INPP5F: variants seen among roughly 807,000 people sequenced by gnomAD.
INPP5F encodes phosphatidylinositide 4-phosphatase SAC2.
A neutral mutation model predicts 137.2 loss-of-function variants in INPP5F; 97 were observed. The ratio of observed to expected loss-of-function variants is 0.71; its 90% CI spans 0.60 to 0.84. INPP5F has a LOEUF of 0.84. Among genes scored for constraint, INPP5F ranks in the 40% least tolerant of loss-of-function variants. The pLI is 0.00. For missense variants in INPP5F, 1,271 were observed against 1,371.9 expected (o/e 0.93, Z 1.16); for synonymous variants, 504 against 476.9 (o/e 1.06, Z -0.74).
At chr10:119,740,065 T>A (rs187829997) in intron 1 of INPP5F, among the ~76,000 whole-genome samples, 439 of 152,346 alleles carry the variant, frequency 2.9e-3, no homozygotes, top group Non-Finnish European at 5.1e-3. Context: ...ATTGGATAAC[T>A]GAAATTTTGT....
chr10:119,737,407 G>A (rs913136455), intron 1 of INPP5F, among the ~76,000 whole-genome samples: 3 of 152,154 alleles, frequency 2.0e-5, no homozygotes, highest in African/African-American at 7.2e-5. Flanking sequence ...TCTCAAGCTG[G>A]CTGTACAGTA....
intron 1 of INPP5F, among the ~76,000 whole-genome samples, chr10:119,749,173 G>A (rs1370469989): frequency 6.6e-6 from 1 of 152,242 alleles, no homozygotes; most frequent in African/African-American, 2.4e-5. Context: ...TTCCGAGCCT[G>A]TGGGGAAAGA....
chr10:119,744,083 T>A (rs1392355238), intron 1 of INPP5F, among the ~76,000 whole-genome samples: 2 of 152,226 alleles, frequency 1.3e-5, no homozygotes, highest in Non-Finnish European at 2.9e-5. Context: ...TCATTAAATA[T>A]TTCTCCATAC....
At chr10:119,769,184 T>A (rs765795007) in intron 2 of INPP5F, among the ~76,000 whole-genome samples, 2 of 152,318 alleles carry the variant, frequency 1.3e-5, no homozygotes, top group East Asian at 3.9e-4. Flanking sequence ...GGATTAAATG[T>A]ATATCTTTTC....
chr10:119,756,194 C>G (rs764852845), intron 2 of INPP5F, among the ~76,000 whole-genome samples: 3 of 151,792 alleles, frequency 2.0e-5, no homozygotes, highest in Admixed American at 6.6e-5. Context: ...TCAATATATG[C>G]TGATTACTAT....
intron 18 of INPP5F, 82 bp downstream of exon 18, chr10:119,823,281 A>G: frequency 1.5e-6 from 2 of 1,348,662 alleles, no homozygotes; most frequent in African/African-American, 1.5e-5. Flanking sequence ...GGGACATTTC[A>G]TATCATAACC....
In INPP5F at chr10:119,756,299, T is replaced by C. The variant is rs528251816; in HGVS notation, c.178+5143T>C. Among the ~76,000 whole-genome samples the C allele has an allele frequency of 3.3e-5, 5 of 152,292 alleles. 1 individual carries two copies. The highest frequency in any genetic ancestry group is 1.2e-4 in the African/African-American group (5 of 41,554). Reference sequence around the variant, plus strand: ...CACAATTTTGAACAAATTTTAAACATGGACTATTTTTCTAATGTTAGTTTT... The same window carrying C: ...CACAATTTTGAACAAATTTTAAACACGGACTATTTTTCTAATGTTAGTTTT... On this transcript the variant is annotated intron_variant, in intron 2 of 19. Coordinates refer to ENST00000650623, the MANE Select transcript of INPP5F (RefSeq NM_014937.4).
chr10:119,759,650 C>T (rs1178597357), intron 2 of INPP5F, among the ~76,000 whole-genome samples: 1 of 152,208 alleles, frequency 6.6e-6, no homozygotes, highest in Non-Finnish European at 1.5e-5. Context: ...GTCACCACGC[C>T]TGGCCTAGAA....
intron 2 of INPP5F, among the ~76,000 whole-genome samples, chr10:119,774,279 A>C (rs1849452053): frequency 6.6e-6 from 1 of 151,270 alleles, no homozygotes; most frequent in Non-Finnish European, 1.5e-5. Flanking sequence ...AAAAAAAAAA[A>C]AAAACTCCCT....
At chr10:119,805,588 A>T (rs777615290) in intron 11 of INPP5F, 127 bp downstream of exon 11, 4 of 672,464 alleles carry the variant, frequency 5.9e-6, no homozygotes, top group Non-Finnish European at 2.6e-6. Flanking sequence ...CCCAGTTCCT[A>T]TTCTTTTCAA....
intron 1 of INPP5F, 108 bp from the exon 2 acceptor site, chr10:119,750,968 T>A (rs1050395524): frequency 1.4e-6 from 1 of 736,632 alleles, no homozygotes; most frequent in Non-Finnish European, 2.4e-6. Flanking sequence ...TGGATATTCA[T>A]ACTGCTTTTT....
chr10:119,821,669 CAT>C (rs768167043), intron 16 of INPP5F, among the ~76,000 whole-genome samples: 13 of 151,956 alleles, frequency 8.6e-5, no homozygotes, highest in African/African-American at 1.2e-4. Context: ...TTCCCAAATA[CAT>C]AGTTTGTTTC....
intron 18 of INPP5F, among the ~76,000 whole-genome samples, chr10:119,823,612 T>A (rs1564856325): frequency 6.6e-6 from 1 of 152,254 alleles, no homozygotes. Flanking sequence ...ATTCTTTTGC[T>A]TTTGTTCTTT....
chr10:119,818,480 C>T (rs1033251246), intron 15 of INPP5F, among the ~76,000 whole-genome samples: 17 of 152,366 alleles, frequency 1.1e-4, no homozygotes, highest in African/African-American at 4.1e-4. Flanking sequence ...CCAGCGCCCC[C>T]CTCCAGCCGC....
chr10:119,738,229 A>G (rs1848269990), intron 1 of INPP5F, among the ~76,000 whole-genome samples: 1 of 152,216 alleles, frequency 6.6e-6, no homozygotes, highest in Non-Finnish European at 1.5e-5. Context: ...ATTTGGCATT[A>G]TTTCAAAAAG....
intron 1 of INPP5F, among the ~76,000 whole-genome samples, chr10:119,745,294 C>T (rs1417597493): frequency 1.3e-5 from 2 of 152,044 alleles, no homozygotes; most frequent in Admixed American, 1.3e-4. Context: ...TACCAGCTCA[C>T]TCCCTAAGCT....
In INPP5F at chr10:119,827,507, C is replaced by T. The variant is rs758809470; in HGVS notation, c.3126C>T (p.Ser1042=). 14 of 1,614,070 alleles carry T rather than the reference C, an allele frequency of 8.7e-6. No homozygotes were observed. Among genetic ancestry groups the T allele is most frequent in the South Asian group, 2.2e-5 (2 of 91,090 alleles). ...TTGCATCTCAAAAAACCCCCACCTC[C>T]GCTTCCAGCATGCTTGAACTTGAGA... is the stretch of plus-strand genomic sequence containing the variant. ...HSVASQKTPT[S]ASSMLELETG... The change falls in exon 20 of 20, where the codon TCC becomes TCT. Residue 1042 remains serine (S), a synonymous_variant. Transcript: ENST00000650623.
At chr10:119,731,294 C>T (rs147561662) in intron 1 of INPP5F, among the ~76,000 whole-genome samples, 258 of 148,574 alleles carry the variant, frequency 1.7e-3, no homozygotes, top group African/African-American at 6.2e-3. Flanking sequence ...TGAAATGATT[C>T]TGTTTATTTG....
chr10:119,792,349 C>G, intron 6 of INPP5F, 136 bp downstream of exon 6: 2 of 681,478 alleles, frequency 2.9e-6, no homozygotes, highest in South Asian at 4.0e-5. Flanking sequence ...ACGTTTTCCC[C>G]TATGGAATGG....
Sources: gnomAD v4.1 joint callset for allele counts (sites outside exome capture counted in the v4.1 genomes callset) on GRCh38, gnomAD v4.1.1 for gene constraint, MANE v1.5 for transcripts, NCBI Gene and HGNC (gene_info 2026-07-23, HGNC 2026-07-21) for gene names.